The following GABBR2 variants were observed in gnomAD, a reference collection of about 807,000 sequenced individuals.
GABBR2 encodes gamma-aminobutyric acid type B receptor subunit 2, also known as G-protein coupled receptor 51.
In GABBR2, 23 loss-of-function variants were observed where a neutral mutation model predicts 105.6. The ratio of observed to expected loss-of-function variants is 0.22; its 90% CI spans 0.16 to 0.31. The LOEUF (loss-of-function observed/expected upper bound fraction) is 0.31, where lower values mean the gene tolerates loss of function less well. Ranked by LOEUF, GABBR2 falls within the 10% of genes least tolerant of loss-of-function variation. The probability of loss-of-function intolerance (pLI) is 1.00; values close to 1 mark genes in which losing one functional copy is unlikely to be tolerated. For synonymous variants in GABBR2, 478 were observed against 499.7 expected, an observed-to-expected ratio of 0.96 and a Z score of 0.58; for missense variants, 734 against 1,245.5, an observed-to-expected ratio of 0.59 and a Z score of 6.18.
At chr9:98,640,069 C>T (rs1173156002) in intron 1 of GABBR2, among the ~76,000 whole-genome samples, 1 of 150,682 alleles carries the variant, frequency 6.6e-6, no homozygotes, top group Admixed American at 6.6e-5. Context: ...ACTTTTAAGA[C>T]CTCCATTTTA....
chr9:98,659,057 C>T (rs893458460), intron 1 of GABBR2, among the ~76,000 whole-genome samples: 1 of 152,130 alleles, frequency 6.6e-6, no homozygotes, highest in African/African-American at 2.4e-5. Context: ...TTTTCTCAGC[C>T]AAGAAAAACT....
At chr9:98,394,316 C>A (rs905812432) in intron 8 of GABBR2, 61 bp from the exon 9 acceptor site, 6 of 1,194,038 alleles carry the variant, frequency 5.0e-6, no homozygotes, top group Non-Finnish European at 7.5e-6. Context: ...TCTGGGTGCT[C>A]CTATTCCAGG....
At chr9:98,602,988 A>C (rs1829363019) in intron 1 of GABBR2, among the ~76,000 whole-genome samples, 1 of 152,154 alleles carries the variant, frequency 6.6e-6, no homozygotes, top group Non-Finnish European at 1.5e-5. Flanking sequence ...TTCCTTATCT[A>C]GCTGTAGGGA....
intron 6 of GABBR2, among the ~76,000 whole-genome samples, chr9:98,458,686 C>CA (rs1440088974): frequency 1.3e-5 from 2 of 152,210 alleles, no homozygotes; most frequent in Non-Finnish European, 2.9e-5. Context: ...GCCTGGGTGA[C>CA]AGAGTGAGAC....
chr9:98,658,133 G>C (rs1368396571), intron 1 of GABBR2, among the ~76,000 whole-genome samples: 1 of 152,162 alleles, frequency 6.6e-6, no homozygotes, highest in Non-Finnish European at 1.5e-5. Flanking sequence ...GTTCAGAGAG[G>C]ATAAGTCATC....
intron 3 of GABBR2, among the ~76,000 whole-genome samples, chr9:98,509,837 A>G (rs1827598927): frequency 6.6e-6 from 1 of 152,212 alleles, no homozygotes; most frequent in African/African-American, 2.4e-5. Flanking sequence ...CCAAGTTGGA[A>G]AACACTCTGC....
At chr9:98,640,145 T>TAA (rs1554722859) in intron 1 of GABBR2, among the ~76,000 whole-genome samples, 28 of 145,228 alleles carry the variant, frequency 1.9e-4, no homozygotes, top group Non-Finnish European at 3.0e-4. Flanking sequence ...TATATATATA[T>TAA]AAACAATCTG....
In GABBR2 at chr9:98,399,539, C is replaced by T. The variant is rs147222612; in HGVS notation, c.1298-5284G>A. 3.3e-3 allele frequency among the ~76,000 whole-genome samples: 507 copies of T among 152,170 alleles called. 3 individuals carry two copies. Among genetic ancestry groups the T allele is most frequent in the African/African-American group, 0.011 (470 of 41,516 alleles). On this transcript the variant is annotated intron_variant, in intron 8 of 18. Transcript: ENST00000259455. ...TTGCACTGGATGGGCTGTGGGCTCCCTGAGGGCAAGGATTGCATCTTACCC... is the reference window on the plus strand; with the variant it reads ...TTGCACTGGATGGGCTGTGGGCTCCTTGAGGGCAAGGATTGCATCTTACCC...
chr9:98,509,045 C>A (rs1003833849), intron 3 of GABBR2, among the ~76,000 whole-genome samples: 1 of 152,192 alleles, frequency 6.6e-6, no homozygotes, highest in Non-Finnish European at 1.5e-5. Flanking sequence ...ACACCTCACA[C>A]GACTGGGTAC....
At chr9:98,296,338 A>C (rs1830381915) in intron 17 of GABBR2, among the ~76,000 whole-genome samples, 1 of 152,220 alleles carries the variant, frequency 6.6e-6, no homozygotes, top group Non-Finnish European at 1.5e-5. Flanking sequence ...ACCTTGATTT[A>C]GGACTCCCCA....
At chr9:98,659,711 G>C (rs935941425) in intron 1 of GABBR2, among the ~76,000 whole-genome samples, 1 of 151,726 alleles carries the variant, frequency 6.6e-6, no homozygotes, top group Admixed American at 6.6e-5. Context: ...AGTAGACATG[G>C]GGTTTGACCA....
chr9:98,637,554 G>C (rs1327550608), intron 1 of GABBR2, among the ~76,000 whole-genome samples: 1 of 152,140 alleles, frequency 6.6e-6, no homozygotes, highest in Non-Finnish European at 1.5e-5. Flanking sequence ...GATGATTCAT[G>C]TGGATCTGTA....
intron 13 of GABBR2, among the ~76,000 whole-genome samples, chr9:98,317,325 G>A (rs1165796381): frequency 2.6e-5 from 4 of 152,204 alleles, no homozygotes; most frequent in African/African-American, 7.2e-5. Flanking sequence ...CCATCTGTGC[G>A]GCAAAAGGAG....
At chr9:98,702,508 C>G (rs141367496) in intron 1 of GABBR2, among the ~76,000 whole-genome samples, 1 of 152,214 alleles carries the variant, frequency 6.6e-6, no homozygotes, top group Non-Finnish European at 1.5e-5. Flanking sequence ...CACCCATGTT[C>G]AAAGACATCG....
intron 13 of GABBR2, among the ~76,000 whole-genome samples, 173 bp from the exon 14 acceptor site, chr9:98,311,378 G>A (rs1362618589): frequency 6.6e-6 from 1 of 152,148 alleles, no homozygotes; most frequent in Non-Finnish European, 1.5e-5. Context: ...GCCTCAACTA[G>A]CGTTGACTGC....
intron 7 of GABBR2, among the ~76,000 whole-genome samples, chr9:98,431,155 C>T (rs1825802663): frequency 6.6e-6 from 1 of 152,010 alleles, no homozygotes; most frequent in African/African-American, 2.4e-5. Context: ...TCAAATGTTA[C>T]CTTCCCAATG....
In GABBR2 at chr9:98,577,199, AATGG is replaced by A. The variant is rs766802691; in HGVS notation, c.459+732_459+735del. The stretch of plus-strand genomic sequence containing the variant: ...GAACATATGGATGGATGGATAGGTG[AATGG>A]ATGGATGGATGGATGGATGGATGGA... On this transcript the variant is annotated intron_variant, in intron 2 of 18. Transcript: ENST00000259455. Among the ~76,000 whole-genome samples, 8 of 111,290 alleles carry A rather than the reference AATGG, an allele frequency of 7.2e-5. No individual in the cohort carries two copies. In the East Asian group the frequency reaches 7.4e-4, roughly 10 times the overall value. The allele number at this position is 111,290 out of a possible 152,430, so 73.0% of individuals were successfully genotyped here.
intron 13 of GABBR2, among the ~76,000 whole-genome samples, chr9:98,345,820 C>T (rs774965389): frequency 4.6e-5 from 7 of 152,206 alleles, no homozygotes; most frequent in Non-Finnish European, 7.3e-5. Flanking sequence ...CTCAAAGATA[C>T]TGCAGGTTAG....
chr9:98,682,900 T>A (rs1397996808), intron 1 of GABBR2, among the ~76,000 whole-genome samples: 3 of 152,150 alleles, frequency 2.0e-5, no homozygotes, highest in African/African-American at 7.2e-5. Context: ...TGTTTGTTTG[T>A]TTGTTTCAGA....
Sources: gnomAD v4.1 joint callset for allele counts (sites outside exome capture counted in the v4.1 genomes callset) on GRCh38, gnomAD v4.1.1 for gene constraint, MANE v1.5 for transcripts, NCBI Gene and HGNC (gene_info 2026-07-23, HGNC 2026-07-21) for gene names.